The following SORBS2 variants were observed in gnomAD, a reference collection of about 807,000 sequenced individuals.
SORBS2 encodes the protein sorbin and SH3 domain containing 2.
SORBS2 carries 46 observed loss-of-function variants against 97.7 expected under a neutral mutation model. The ratio of observed to expected loss-of-function variants is 0.47; its 90% CI spans 0.37 to 0.60. The LOEUF (loss-of-function observed/expected upper bound fraction) is 0.60, where lower values mean the gene tolerates loss of function less well. Among genes scored for constraint, SORBS2 ranks in the 20% least tolerant of loss-of-function variants. The pLI is 0.00. For missense variants in SORBS2, 1,316 were observed against 1,282.3 expected (o/e 1.03, Z -0.40); for synonymous variants, 476 against 473.4 (o/e 1.01, Z -0.07).
intron 1 of SORBS2, among the ~76,000 whole-genome samples, chr4:185,778,105 T>C (rs2099008954): frequency 6.6e-6 from 1 of 152,254 alleles, no homozygotes; most frequent in Non-Finnish European, 1.5e-5. Flanking sequence ...TTGCTAAAAT[T>C]AATTTCACTT....
chr4:185,719,801 T>C (rs2098497740), intron 2 of SORBS2, among the ~76,000 whole-genome samples: 1 of 152,270 alleles, frequency 6.6e-6, no homozygotes, highest in Non-Finnish European at 1.5e-5. Flanking sequence ...TCTAGGGTCT[T>C]GTGGGATGGT....
At chr4:185,847,651 AC>A (rs1220575374) in intron 1 of SORBS2, among the ~76,000 whole-genome samples, 1 of 152,122 alleles carries the variant, frequency 6.6e-6, no homozygotes, top group African/African-American at 2.4e-5. Context: ...GCTGCTGTAG[AC>A]GGCAGCAACG....
At position 185,723,104 on chromosome 4, in the gene SORBS2, A is replaced by C. The variant is rs191725966; in HGVS notation, c.-197-44282T>G. 1.1e-3 allele frequency among the ~76,000 whole-genome samples: 175 copies of C among 152,182 alleles called. 5 individuals carry two copies. In the East Asian group the frequency reaches 0.023, roughly 20 times the overall value. ...CAGAAAGTTATTTGTAAATTAGTAA[A>C]TTAATTTATAAAATTGTAATAAATC... On this transcript the variant is annotated intron_variant, in intron 2 of 20. Transcript: ENST00000284776.
At chr4:185,701,412 C>G (rs1372247409) in intron 2 of SORBS2, among the ~76,000 whole-genome samples, 1 of 152,188 alleles carries the variant, frequency 6.6e-6, no homozygotes, top group Non-Finnish European at 1.5e-5. Flanking sequence ...TAGAGAATGT[C>G]TGTGTGGACA....
At chr4:185,778,876 T>G (rs2099013503) in intron 1 of SORBS2, among the ~76,000 whole-genome samples, 1 of 152,178 alleles carries the variant, frequency 6.6e-6, no homozygotes, top group African/African-American at 2.4e-5. Flanking sequence ...GACCCATATT[T>G]TGGAGTAGAG....
chr4:185,648,190 G>T (rs926207281), intron 3 of SORBS2, among the ~76,000 whole-genome samples: 3 of 151,654 alleles, frequency 2.0e-5, no homozygotes, highest in Non-Finnish European at 4.4e-5. Context: ...TTGAACCTCT[G>T]GCCTCAGGCA....
chr4:185,716,802 G>A (rs530783762), intron 2 of SORBS2, among the ~76,000 whole-genome samples: 5 of 152,262 alleles, frequency 3.3e-5, no homozygotes, highest in African/African-American at 9.6e-5. Flanking sequence ...ACCAGACTGC[G>A]CAGGCGGGTC....
intron 4 of SORBS2, 126 bp downstream of exon 15, chr4:185,637,953 T>C (rs2153443619): frequency 1.5e-6 from 1 of 677,794 alleles, no homozygotes. Flanking sequence ...CTGTACCAAG[T>C]GTGTGTATAC....
intron 11 of SORBS2, among the ~76,000 whole-genome samples, chr4:185,613,700 G>A (rs1417257417): frequency 2.0e-5 from 3 of 147,906 alleles, no homozygotes; most frequent in African/African-American, 5.0e-5. Flanking sequence ...AAATTGCACC[G>A]ATTTTCTAGT....
rs116968341 is a variant in SORBS2 at position 185,749,800 on chromosome 4, T to C, written c.-198+25427A>G. 1.1e-3 allele frequency among the ~76,000 whole-genome samples: 175 copies of C among 152,322 alleles called. 6 individuals carry two copies. In the East Asian group the frequency reaches 0.029, roughly 25 times the overall value. ...CAAATGCAGAAATAGAGACCACAGCTCTTAATGCAACCAAAGAGAGAAAAT... is the reference window on the plus strand; with the variant it reads ...CAAATGCAGAAATAGAGACCACAGCCCTTAATGCAACCAAAGAGAGAAAAT... On this transcript the variant is annotated intron_variant, in intron 2 of 20. Coordinates refer to the SORBS2 transcript ENST00000284776.
intron 1 of SORBS2, among the ~76,000 whole-genome samples, chr4:185,876,189 C>A (rs139128029): frequency 6.6e-6 from 1 of 152,104 alleles, no homozygotes; most frequent in Non-Finnish European, 1.5e-5. Flanking sequence ...CCCTTTGCAA[C>A]CCCCACTGCC....
chr4:185,689,847 T>C (rs2098057578), intron 2 of SORBS2, among the ~76,000 whole-genome samples: 1 of 152,234 alleles, frequency 6.6e-6, no homozygotes. Flanking sequence ...GGAAATGGTA[T>C]CGTTTAAACA....
At chr4:185,708,139 A>G (rs58138803) in intron 2 of SORBS2, among the ~76,000 whole-genome samples, 2,313 of 152,290 alleles carry the variant, frequency 0.015, 64 homozygotes, top group African/African-American at 0.052. Context: ...TTTAAGGCAG[A>G]GCCGACTTGG....
At chr4:185,850,958 C>G (rs528036577) in intron 1 of SORBS2, among the ~76,000 whole-genome samples, 7 of 152,164 alleles carry the variant, frequency 4.6e-5, no homozygotes, top group Non-Finnish European at 1.0e-4. Context: ...ACCTATCTAT[C>G]TCCCGCCCTC....
rs141995024 is a variant in SORBS2 at position 185,759,297 on chromosome 4, C to T, written c.-198+15930G>A. ...AGAGGAGGATTTTCCAATTACCAAC[C>T]AGAAGGAGTTGCTTGCTCTTGCCTC... On this transcript the variant is annotated intron_variant, in intron 2 of 20. Transcript: ENST00000284776. Among the ~76,000 whole-genome samples, 807 of 152,302 alleles carry T rather than the reference C, an allele frequency of 5.3e-3. 10 individuals carry two copies. Among genetic ancestry groups the T allele is most frequent in the Non-Finnish European group, 7.2e-3 (487 of 68,030 alleles).
At chr4:185,888,166 C>T (rs28513463) in intron 1 of SORBS2, among the ~76,000 whole-genome samples, 4,330 of 152,082 alleles carry the variant, frequency 0.028, 160 homozygotes, top group African/African-American at 0.089. Context: ...GTAAAATGCT[C>T]GTGCTAGTAA....
intron 5 of SORBS2, among the ~76,000 whole-genome samples, chr4:185,630,187 A>G (rs1047152308): frequency 6.6e-6 from 1 of 152,146 alleles, no homozygotes; most frequent in Non-Finnish European, 1.5e-5. Context: ...ATACGTGTAT[A>G]ACACTTTTTA....
exon 15 of SORBS2, chr4:185,586,555 T>C (rs1057126336): frequency 2.0e-5 from 3 of 152,650 alleles, no homozygotes; most frequent in Admixed American, 2.0e-4. Context: ...CTTGTGATGC[T>C]TCTGTACTCT....
At chr4:185,914,784 C>G (rs1204156271) in intron 1 of SORBS2, among the ~76,000 whole-genome samples, 1 of 152,246 alleles carries the variant, frequency 6.6e-6, no homozygotes, top group Non-Finnish European at 1.5e-5. Context: ...TTGCCCTCTT[C>G]CTGTCTCGGC....
Sources: allele counts gnomAD v4.1 joint callset (sites outside exome capture counted in the v4.1 genomes callset), GRCh38; gene constraint gnomAD v4.1.1; transcripts MANE v1.5; gene names NCBI Gene and HGNC (gene_info 2026-07-23, HGNC 2026-07-21).